PPP2R2B: variants seen among roughly 807,000 people sequenced by gnomAD.
PPP2R2B encodes the protein serine/threonine-protein phosphatase 2A 55 kDa regulatory subunit B beta isoform.
Under a neutral mutation model 46.0 loss-of-function variants are expected in PPP2R2B, and 5 were observed. The observed-to-expected ratio is 0.11, with a 90% CI of 0.06 to 0.23. The LOEUF (loss-of-function observed/expected upper bound fraction) is 0.23, where lower values mean the gene tolerates loss of function less well. Ranked by LOEUF, PPP2R2B falls within the 10% of genes least tolerant of loss-of-function variation. The pLI, the probability that PPP2R2B is intolerant of heterozygous loss-of-function variation, is 1.00. For synonymous variants in PPP2R2B, 215 were observed against 206.7 expected (o/e 1.04, Z -0.34); for missense variants, 367 against 575.0 (o/e 0.64, Z 3.70).
At chr5:147,031,241 A>G (rs1204121947) in intron 1 of PPP2R2B, among the ~76,000 whole-genome samples, 1 of 152,130 alleles carries the variant, frequency 6.6e-6, no homozygotes, top group African/African-American at 2.4e-5. Context: ...CCTCAAAAAA[A>G]AAAAATCTTT....
At position 147,011,102 on chromosome 5, in the gene PPP2R2B, A is replaced by C. The variant is rs572552331; in HGVS notation, c.79+44563T>G. Reference sequence around the variant, plus strand: ...CCGACTACTGCCCCTTCTTCAGCCCACTCCAACCACTTGGCCTCTTTACTG... The same window carrying C: ...CCGACTACTGCCCCTTCTTCAGCCCCCTCCAACCACTTGGCCTCTTTACTG... On this transcript the variant is annotated intron_variant, in intron 1 of 8. Coordinates refer to the PPP2R2B transcript ENST00000336640. 9.9e-5 allele frequency among the ~76,000 whole-genome samples: 15 copies of C among 151,902 alleles called. 1 individual carries two copies. The South Asian group carries it at 3.1e-3, about 32-fold the overall frequency.
chr5:146,691,106 C>T (rs1306728185), intron 5 of PPP2R2B, 22 bp downstream of exon 5: 1 of 1,605,488 alleles, frequency 6.2e-7, no homozygotes, highest in Non-Finnish European at 8.5e-7. Flanking sequence ...CTGTGGTGGC[C>T]AGGGCAGCTG....
chr5:146,897,787 G>A (rs116258112), intron 1 of PPP2R2B, among the ~76,000 whole-genome samples: 1,537 of 148,226 alleles, frequency 0.01, 24 homozygotes, highest in African/African-American at 0.037. Context: ...GCTATACAAA[G>A]AAGGAAAACA....
chr5:146,809,866 G>A (rs930552049), intron 2 of PPP2R2B, among the ~76,000 whole-genome samples: 2 of 152,184 alleles, frequency 1.3e-5, no homozygotes, highest in African/African-American at 2.4e-5. Flanking sequence ...TCTGTCTGTA[G>A]TGCAGGTGGG....
intron 3 of PPP2R2B, among the ~76,000 whole-genome samples, chr5:146,698,799 G>A (rs1779367841): frequency 6.6e-6 from 1 of 151,670 alleles, no homozygotes; most frequent in Admixed American, 6.6e-5. Flanking sequence ...CAGGAGCTCA[G>A]GGATGCTACC....
At chr5:146,716,780 C>T (rs1780524132) in intron 2 of PPP2R2B, among the ~76,000 whole-genome samples, 1 of 152,156 alleles carries the variant, frequency 6.6e-6, no homozygotes, top group Non-Finnish European at 1.5e-5. Flanking sequence ...GGACAGTTTA[C>T]ATTTAAAACT....
intron 1 of PPP2R2B, among the ~76,000 whole-genome samples, chr5:147,000,877 G>T (rs947817240): frequency 6.6e-5 from 10 of 152,066 alleles, no homozygotes; most frequent in African/African-American, 2.4e-4. Flanking sequence ...CGCCTAAGGG[G>T]AATCTTTATG....
chr5:146,883,752 T>C (rs1363434759), upstream of PPP2R2B, among the ~76,000 whole-genome samples: 1 of 152,252 alleles, frequency 6.6e-6, no homozygotes, highest in Non-Finnish European at 1.5e-5. Flanking sequence ...TGCTACAACA[T>C]GTAATGCCAC....
intron 1 of PPP2R2B, among the ~76,000 whole-genome samples, chr5:147,023,577 A>T (rs1755387922): frequency 6.6e-6 from 1 of 152,232 alleles, no homozygotes; most frequent in Non-Finnish European, 1.5e-5. Flanking sequence ...GGGATATCTT[A>T]GTATCATATA....
chr5:146,916,557 G>C (rs1367006228), intron 1 of PPP2R2B, among the ~76,000 whole-genome samples: 1 of 152,116 alleles, frequency 6.6e-6, no homozygotes, highest in African/African-American at 2.4e-5. Flanking sequence ...ATACATGACA[G>C]AGTATTCCAA....
chr5:147,004,948 G>A (rs1343790934), intron 1 of PPP2R2B, among the ~76,000 whole-genome samples: 1 of 152,116 alleles, frequency 6.6e-6, no homozygotes, highest in African/African-American at 2.4e-5. Context: ...TAGTGTCAGA[G>A]GCTATACAAG....
chr5:146,834,818 C>G (rs1759179389), intron 2 of PPP2R2B, among the ~76,000 whole-genome samples: 1 of 152,160 alleles, frequency 6.6e-6, no homozygotes, highest in African/African-American at 2.4e-5. Flanking sequence ...TTTTTCCCCT[C>G]TTTTGTTTCC....
chr5:146,853,770 AC>A (rs1760487882), intron 2 of PPP2R2B, among the ~76,000 whole-genome samples: 1 of 152,004 alleles, frequency 6.6e-6, no homozygotes, highest in African/African-American at 2.4e-5. Context: ...TCCTGAAGTC[AC>A]CCAATTACTA....
rs191065857 is a variant in PPP2R2B at position 146,675,930 on chromosome 5, G to A, written c.447+15198C>T. 5.9e-5 allele frequency among the ~76,000 whole-genome samples: 9 copies of A among 152,026 alleles called. No homozygotes were observed. In the East Asian group the frequency reaches 1.8e-3, roughly 30 times the overall value. The stretch of plus-strand genomic sequence containing the variant: ...TCTATCTTGGCTTCCTCCTGCCCCA[G>A]GACTAATCGGAAGCTTATCTTTTCC... On this transcript the variant is annotated intron_variant, in intron 5 of 9. Transcript: ENST00000394411.
intron 1 of PPP2R2B, among the ~76,000 whole-genome samples, chr5:146,984,679 G>A (rs560940344): frequency 1.8e-4 from 28 of 151,836 alleles, no homozygotes; most frequent in Non-Finnish European, 2.5e-4. Context: ...ATAAATTTAC[G>A]TTTCCACCAG....
chr5:146,642,384 A>G (rs1421345351), intron 6 of PPP2R2B, among the ~76,000 whole-genome samples: 2 of 152,244 alleles, frequency 1.3e-5, no homozygotes, highest in African/African-American at 4.8e-5. Flanking sequence ...CATGGGGGCC[A>G]TTCAAACATC....
chr5:146,659,878 C>G (rs1205994521), intron 5 of PPP2R2B, among the ~76,000 whole-genome samples: 2 of 152,114 alleles, frequency 1.3e-5, no homozygotes, highest in Admixed American at 1.3e-4. Context: ...TGAAAGATTG[C>G]TTGGGGAAGA....
intron 2 of PPP2R2B, among the ~76,000 whole-genome samples, chr5:146,854,885 G>A (rs1251144505): frequency 6.6e-6 from 1 of 152,158 alleles, no homozygotes; most frequent in Non-Finnish European, 1.5e-5. Context: ...TTAAAATTTG[G>A]ACTCTGAACT....
intron 6 of PPP2R2B, among the ~76,000 whole-genome samples, 156 bp downstream of exon 6, chr5:146,650,391 A>G (rs1376919325): frequency 6.6e-6 from 1 of 152,182 alleles, no homozygotes; most frequent in Non-Finnish European, 1.5e-5. Context: ...TATTGTTATG[A>G]TTAAAGAGTC....
Sources: gnomAD v4.1 joint callset for allele counts (sites outside exome capture counted in the v4.1 genomes callset) on GRCh38, gnomAD v4.1.1 for gene constraint, MANE v1.5 for transcripts, NCBI Gene and HGNC (gene_info 2026-07-23, HGNC 2026-07-21) for gene names.